The following ELP4 variants were observed in gnomAD, a reference collection of about 807,000 sequenced individuals.
ELP4 encodes elongator complex protein 4.
A neutral mutation model predicts 48.9 loss-of-function variants in ELP4; 51 were observed. The ratio of observed to expected loss-of-function variants is 1.04; its 90% confidence interval spans 0.83 to 1.32. The LOEUF (loss-of-function observed/expected upper bound fraction) is 1.32, where lower values mean the gene tolerates loss of function less well. Among genes scored for constraint, ELP4 ranks in the 40% most tolerant of loss-of-function variants. The pLI is 0.00. For synonymous variants in ELP4, 210 were observed against 189.2 expected, an observed-to-expected ratio of 1.11 and a Z score of -0.90; for missense variants, 519 against 514.6, an observed-to-expected ratio of 1.01 and a Z score of -0.08.
chr11:31,743,101 C>T (rs916426788), intron 9 of ELP4, among the ~76,000 whole-genome samples: 2 of 152,090 alleles, frequency 1.3e-5, no homozygotes, highest in African/African-American at 4.8e-5. Flanking sequence ...GGTTGCAATC[C>T]TACTCTCTGA....
intron 9 of ELP4, among the ~76,000 whole-genome samples, chr11:31,666,302 C>T (rs1399388917): frequency 6.6e-6 from 1 of 152,072 alleles, no homozygotes; most frequent in Non-Finnish European, 1.5e-5. Context: ...AGCCACCACA[C>T]CCAGCCTTCA....
At chr11:31,549,049 G>T (rs1251558469) in intron 3 of ELP4, among the ~76,000 whole-genome samples, 1 of 152,010 alleles carries the variant, frequency 6.6e-6, no homozygotes, top group African/African-American at 2.4e-5. Context: ...GAAAACGTAG[G>T]CAATACCATT....
At position 31,717,863 on chromosome 11, in the gene ELP4, G is replaced by A. The variant is rs147396884; in HGVS notation, c.1144-65530G>A. Among the ~76,000 whole-genome samples, 3 of 152,198 alleles carry A rather than the reference G, an allele frequency of 2.0e-5. No individual in the cohort carries two copies. The East Asian group carries it at 5.8e-4, about 29-fold the overall frequency. On this transcript the variant is annotated intron_variant, in intron 9 of 9. Transcript: ENST00000640961. ...TTTAAAATCATTATAGTGAAAAAAT[G>A]ACATCATCATAGTGCTTCTGTTTAT...
intron 9 of ELP4, chr11:31,707,489 C>G (rs1946658542): frequency 6.6e-6 from 1 of 152,102 alleles, no homozygotes; most frequent in Non-Finnish European, 1.5e-5. Context: ...ATAATACCTT[C>G]TGTAATTTAC....
intron 4 of ELP4, among the ~76,000 whole-genome samples, chr11:31,602,647 T>A (rs1565075028): frequency 6.6e-6 from 1 of 152,014 alleles, no homozygotes; most frequent in African/African-American, 2.4e-5. Flanking sequence ...GGTAGGCATT[T>A]AGTTTAAGAA....
chr11:31,756,817 T>G (rs1165313371), intron 9 of ELP4, among the ~76,000 whole-genome samples: 1 of 152,240 alleles, frequency 6.6e-6, no homozygotes, highest in East Asian at 1.9e-4. Context: ...TTTTACCTGA[T>G]TATCTGCTTA....
chr11:31,591,738 C>T (rs1957580694), intron 3 of ELP4, among the ~76,000 whole-genome samples: 1 of 152,070 alleles, frequency 6.6e-6, no homozygotes, highest in African/African-American at 2.4e-5. Flanking sequence ...TCCTGTGACT[C>T]GGGAATTCCA....
At chr11:31,513,911 T>A (rs947439324) in intron 1 of ELP4, among the ~76,000 whole-genome samples, 16 of 152,318 alleles carry the variant, frequency 1.1e-4, no homozygotes, top group South Asian at 2.1e-4. Flanking sequence ...TGCCTATTTT[T>A]AAAATATGTG....
chr11:31,708,377 C>G (rs78358004), intron 9 of ELP4, among the ~76,000 whole-genome samples: 2,590 of 152,132 alleles, frequency 0.017, 69 homozygotes, highest in African/African-American at 0.059. Flanking sequence ...GTATAGCATC[C>G]AAGACATAAT....
At chr11:31,630,296 A>T (rs921616311) in intron 6 of ELP4, among the ~76,000 whole-genome samples, 7 of 125,730 alleles carry the variant, frequency 5.6e-5, no homozygotes, top group Middle Eastern at 5.2e-3. Context: ...CTTCAATTGT[A>T]TTGAATTATA....
At chr11:31,548,741 C>T (rs1271669388) in intron 3 of ELP4, among the ~76,000 whole-genome samples, 1 of 152,138 alleles carries the variant, frequency 6.6e-6, no homozygotes, top group African/African-American at 2.4e-5. Context: ...AACTATACTA[C>T]AAGGCTACAG....
chr11:31,519,348 T>C (rs1026683254), intron 1 of ELP4, among the ~76,000 whole-genome samples: 3 of 152,224 alleles, frequency 2.0e-5, no homozygotes, highest in African/African-American at 7.2e-5. Flanking sequence ...ATTTCTATAA[T>C]AATCTTTGTT....
intron 9 of ELP4, among the ~76,000 whole-genome samples, chr11:31,749,332 C>T (rs568354149): frequency 2.6e-4 from 40 of 152,246 alleles, no homozygotes; most frequent in South Asian, 1.9e-3. Context: ...GAAAGAGACA[C>T]GTAAAAGTCC....
intron 3 of ELP4, among the ~76,000 whole-genome samples, chr11:31,589,894 G>A (rs957840503): frequency 6.6e-6 from 1 of 152,068 alleles, no homozygotes; most frequent in Non-Finnish European, 1.5e-5. Flanking sequence ...TTATTATCAT[G>A]TGACCTATTA....
intron 3 of ELP4, among the ~76,000 whole-genome samples, chr11:31,571,935 A>G (rs532616365): frequency 1.3e-5 from 2 of 152,310 alleles, no homozygotes; most frequent in East Asian, 1.9e-4. Flanking sequence ...TAGATTTAGC[A>G]TAATTCTTAA....
intron 9 of ELP4, among the ~76,000 whole-genome samples, chr11:31,712,983 T>A (rs1232959293): frequency 6.6e-6 from 1 of 152,188 alleles, no homozygotes; most frequent in Non-Finnish European, 1.5e-5. Flanking sequence ...TAATATTCTC[T>A]CTTCATGTTC....
chr11:31,549,690 A>G (rs566349028), intron 3 of ELP4, among the ~76,000 whole-genome samples: 2 of 152,242 alleles, frequency 1.3e-5, no homozygotes, highest in East Asian at 1.9e-4. Context: ...ATGTACACGT[A>G]TGTTTATTGC....
intron 9 of ELP4, among the ~76,000 whole-genome samples, chr11:31,712,945 T>C (rs142133708): frequency 1.3e-5 from 2 of 152,318 alleles, no homozygotes; most frequent in African/African-American, 4.8e-5. Flanking sequence ...TAAAATAGTT[T>C]TGCAATCCCT....
At position 31,677,418 on chromosome 11, in the gene ELP4, T is replaced by C. The variant is rs180831659; in HGVS notation, c.1143+27197T>C. Among the ~76,000 whole-genome samples, 3 of 152,324 alleles carry C rather than the reference T, an allele frequency of 2.0e-5. No homozygotes were observed. The East Asian group carries it at 5.8e-4, about 29-fold the overall frequency. ...GATTAATTTTAGTAGAGAATAACTATGGAAACTGAGGATCTCAAAATTGAA... is the reference window on the plus strand; with the variant it reads ...GATTAATTTTAGTAGAGAATAACTACGGAAACTGAGGATCTCAAAATTGAA... On this transcript the variant is annotated intron_variant, in intron 9 of 9. Transcript: ENST00000640961.
Sources: gnomAD v4.1 joint callset for allele counts (sites outside exome capture counted in the v4.1 genomes callset) on GRCh38, gnomAD v4.1.1 for gene constraint, MANE v1.5 for transcripts, NCBI Gene and HGNC (gene_info 2026-07-23, HGNC 2026-07-21) for gene names.